Variants in GRIN3A observed in about 807,000 individuals in gnomAD.
GRIN3A encodes glutamate ionotropic receptor NMDA type subunit 3A, also known as glutamate receptor ionotropic, NMDA 3A.
GRIN3A carries 47 observed loss-of-function variants against 92.4 expected under a neutral mutation model. That is an observed-to-expected ratio of 0.51 (90% CI 0.40 to 0.65). The LOEUF is 0.65. GRIN3A is among the 30% of genes least tolerant of loss of function. The pLI is 0.00. For synonymous variants in GRIN3A, 527 were observed against 540.6 expected (o/e 0.97, Z 0.35); for missense variants, 1,324 against 1,393.1 (o/e 0.95, Z 0.79).
intron 5 of GRIN3A, among the ~76,000 whole-genome samples, chr9:101,618,725 A>C (rs1425950210): frequency 2.0e-5 from 3 of 152,186 alleles, no homozygotes; most frequent in Non-Finnish European, 4.4e-5. Flanking sequence ...AGAGATAAAA[A>C]TCCATTTTAT....
At chr9:101,711,011 G>A (rs555905556) in intron 1 of GRIN3A, among the ~76,000 whole-genome samples, 24 of 152,160 alleles carry the variant, frequency 1.6e-4, no homozygotes, top group Non-Finnish European at 3.5e-4. Context: ...ACAATATACT[G>A]TAATAAAAGT....
At chr9:101,584,469 T>G (rs1827925761) in intron 6 of GRIN3A, among the ~76,000 whole-genome samples, 1 of 152,246 alleles carries the variant, frequency 6.6e-6, no homozygotes, top group Non-Finnish European at 1.5e-5. Flanking sequence ...CAACTAATGT[T>G]TTAAATGCTT....
In GRIN3A at chr9:101,737,811, G is replaced by C; in HGVS notation, c.169C>G (p.Pro57Ala). 12 of 1,531,916 alleles carry C rather than the reference G, an allele frequency of 7.8e-6. No individual in the cohort carries two copies. The highest frequency in any genetic ancestry group is 1.0e-5 in the Non-Finnish European group (12 of 1,145,376). 94.9% of individuals were successfully genotyped at this position (1,531,916 alleles called of 1,614,324 possible). A position where few individuals can be genotyped will look rare whatever the true frequency, so the allele number is the denominator to read the frequency against. Residue 57 changes from proline to alanine, a missense_variant, in exon 1 of 9, where the codon CCC (proline) becomes GCC (alanine). By Grantham distance (27) the Pro-to-Ala change is conservative. Coordinates refer to ENST00000361820, the MANE Select transcript of GRIN3A (RefSeq NM_133445.3). Reference sequence around the variant, plus strand: ...GCCGCGCGGGGGGCGGTGGTCCAGGGCTGCAAGTGCACCGCGCCCACCCTC... The same window carrying C: ...GCCGCGCGGGGGGCGGTGGTCCAGGCCTGCAAGTGCACCGCGCCCACCCTC... ...AVRVGAVHLQ[P>A]WTTAPRAASR...
intron 1 of GRIN3A, among the ~76,000 whole-genome samples, chr9:101,701,726 G>A (rs545029925): frequency 4.6e-5 from 7 of 152,268 alleles, no homozygotes; most frequent in Non-Finnish European, 5.9e-5. Context: ...AAGAGCTTCT[G>A]CACAGCAAAA....
intron 1 of GRIN3A, among the ~76,000 whole-genome samples, chr9:101,704,990 T>C (rs1325843013): frequency 6.6e-6 from 1 of 152,024 alleles, no homozygotes; most frequent in Non-Finnish European, 1.5e-5. Context: ...GAGGCAGATA[T>C]TAATAAGATA....
chr9:101,608,497 C>G (rs775149774), intron 6 of GRIN3A, among the ~76,000 whole-genome samples: 1 of 151,374 alleles, frequency 6.6e-6, no homozygotes, highest in Non-Finnish European at 1.5e-5. Context: ...TTCAAAACAT[C>G]TTTTTTTTTG....
intron 3 of GRIN3A, among the ~76,000 whole-genome samples, chr9:101,660,426 C>T (rs527736683): frequency 3.3e-5 from 5 of 151,880 alleles, no homozygotes; most frequent in African/African-American, 1.2e-4. Context: ...TCATGTTGGC[C>T]ACCTCTGCTT....
intron 3 of GRIN3A, among the ~76,000 whole-genome samples, chr9:101,667,995 A>G (rs750121454): frequency 4.6e-5 from 7 of 152,080 alleles, no homozygotes; most frequent in Non-Finnish European, 1.0e-4. Context: ...AAAATAGTTT[A>G]GATTTAGGTT....
In GRIN3A at chr9:101,583,636, T is replaced by G. The variant is rs78555094; in HGVS notation, c.2767-4276A>C. Among the ~76,000 whole-genome samples the G allele has an allele frequency of 6.4e-3, 969 of 152,278 alleles. 6 individuals are homozygous for G. Among genetic ancestry groups the G allele is most frequent in the African/African-American group, 0.023 (939 of 41,560 alleles). On this transcript the variant is annotated intron_variant, in intron 6 of 8. Coordinates refer to ENST00000361820, the MANE Select transcript of GRIN3A (RefSeq NM_133445.3). The stretch of plus-strand genomic sequence containing the variant: ...ATGATAATTGCAGCTGCAAGTGACT[T>G]GAGTGGTAGCACATTCAGAAATGCA...
chr9:101,620,904 T>C (rs776228703), intron 5 of GRIN3A, among the ~76,000 whole-genome samples: 1 of 152,062 alleles, frequency 6.6e-6, no homozygotes, highest in Non-Finnish European at 1.5e-5. Flanking sequence ...TTCTCAAAAA[T>C]TCATGAAATT....
At chr9:101,576,693 A>T (rs1287891811) in intron 8 of GRIN3A, among the ~76,000 whole-genome samples, 1 of 152,162 alleles carries the variant, frequency 6.6e-6, no homozygotes, top group African/African-American at 2.4e-5. Context: ...CTGTGACTGG[A>T]CTAGTATACA....
At chr9:101,658,337 C>T (rs1829118557) in intron 3 of GRIN3A, among the ~76,000 whole-genome samples, 1 of 151,770 alleles carries the variant, frequency 6.6e-6, no homozygotes, top group African/African-American at 2.4e-5. Context: ...ATTTTCTGTT[C>T]CTGAAATTAT....
chr9:101,676,166 A>G (rs577431976), intron 2 of GRIN3A, among the ~76,000 whole-genome samples: 1 of 152,016 alleles, frequency 6.6e-6, no homozygotes, highest in South Asian at 2.1e-4. Context: ...TAAATGCATC[A>G]CCATCCTCAA....
intron 6 of GRIN3A, among the ~76,000 whole-genome samples, chr9:101,608,326 T>C (rs1212786719): frequency 6.6e-6 from 1 of 152,198 alleles, no homozygotes; most frequent in Non-Finnish European, 1.5e-5. Context: ...CAAGCACAAC[T>C]TGATCCTGAT....
At chr9:101,684,270 ATTTTTTTTTTT>A (rs3082771) in intron 2 of GRIN3A, among the ~76,000 whole-genome samples, 67 of 87,078 alleles carry the variant, frequency 7.7e-4, no homozygotes, top group African/African-American at 3.0e-3. Context: ...TGCTTAGCTA[ATTTTTTTTTTT>A]TTTTTTTTTT....
In GRIN3A at chr9:101,737,395, C is replaced by A. The variant is rs200072366; in HGVS notation, c.585G>T (p.Ala195=). ...CCTGGCTCTGGGGGAAGGCGAGCAG[C>A]GCCGACACCCCTTGCACCACCACGG... ...CHTVVVQGVS[A]LLAFPQSQGE... is the part of the protein sequence containing the mutation. Residue 195 remains alanine (A), a synonymous_variant, in exon 1 of 9, where the codon GCG becomes GCT. Coordinates refer to ENST00000361820, the MANE Select transcript of GRIN3A (RefSeq NM_133445.3). The A allele has an allele frequency of 6.2e-7, 1 of 1,614,244 alleles. No individual in the cohort carries two copies. Among genetic ancestry groups the A allele is most frequent in the East Asian group, 2.2e-5 (1 of 44,872 alleles).
intron 3 of GRIN3A, among the ~76,000 whole-genome samples, chr9:101,637,590 C>A (rs577563144): frequency 6.6e-6 from 1 of 152,248 alleles, no homozygotes; most frequent in East Asian, 1.9e-4. Flanking sequence ...TTAAGTACTT[C>A]CCATATTTCA....
intron 6 of GRIN3A, among the ~76,000 whole-genome samples, chr9:101,590,035 TA>T (rs1281377576): frequency 6.6e-6 from 1 of 152,206 alleles, no homozygotes; most frequent in Non-Finnish European, 1.5e-5. Flanking sequence ...TTATTTAAAA[TA>T]TTGGTAATTT....
rs1030748806 is a variant in GRIN3A at position 101,700,891 on chromosome 9, T to C, written c.700-13691A>G. On this transcript the variant is annotated intron_variant, in intron 1 of 8. Coordinates refer to ENST00000361820, the MANE Select transcript of GRIN3A (RefSeq NM_133445.3). ...AGACAAAGAAAGATGTCAGAAGTTT[T>C]ATCAAGATTTTAAATGCTAAAATAA... is the stretch of plus-strand genomic sequence containing the variant. Among the ~76,000 whole-genome samples, 17 of 152,270 alleles carry C rather than the reference T, an allele frequency of 1.1e-4. No homozygotes were observed. The South Asian group carries it at 3.5e-3, about 32-fold the overall frequency.
Sources: gnomAD v4.1 joint callset for allele counts (sites outside exome capture counted in the v4.1 genomes callset) on GRCh38, gnomAD v4.1.1 for gene constraint, MANE v1.5 for transcripts, NCBI Gene and HGNC (gene_info 2026-07-23, HGNC 2026-07-21) for gene names.